RANBP17: variants seen among roughly 807,000 people sequenced by gnomAD.
RANBP17 encodes the protein ran-binding protein 17.
RANBP17 carries 158 observed loss-of-function variants against 141.2 expected under a neutral mutation model. The observed-to-expected ratio is 1.12, with a 90% CI of 0.98 to 1.28. The LOEUF is 1.28. RANBP17 is among the 50% of genes most tolerant of loss of function. RANBP17 has a pLI of 0.00. For missense variants in RANBP17, 1,438 were observed against 1,290.7 expected (o/e 1.11, Z -1.75); for synonymous variants, 430 against 450.0 (o/e 0.96, Z 0.56).
chr5:170,954,490 C>CTGGCAATT (rs1775443374), intron 13 of RANBP17, among the ~76,000 whole-genome samples: 1 of 150,224 alleles, frequency 6.7e-6, no homozygotes, highest in Non-Finnish European at 1.5e-5. Flanking sequence ...AGAACAGTGC[C>CTGGCAATT]TGGCAATTAG....
intron 13 of RANBP17, among the ~76,000 whole-genome samples, chr5:170,956,796 G>T (rs1336346256): frequency 6.6e-6 from 1 of 151,160 alleles, no homozygotes; most frequent in Non-Finnish European, 1.5e-5. Flanking sequence ...AAACGACTGG[G>T]CGCAGTGGCT....
At chr5:170,894,203 G>A (rs1769904325) in intron 4 of RANBP17, among the ~76,000 whole-genome samples, 1 of 152,162 alleles carries the variant, frequency 6.6e-6, no homozygotes. Context: ...GGCAAGCACA[G>A]TAGCATCCCC....
At chr5:171,207,784 A>G (rs1425397190) in intron 20 of RANBP17, 1 of 152,218 alleles carries the variant, frequency 6.6e-6, no homozygotes, top group Non-Finnish European at 1.5e-5. Flanking sequence ...GACAAGATTT[A>G]TAGTTTTCCT....
intron 14 of RANBP17, among the ~76,000 whole-genome samples, chr5:171,010,910 G>A (rs914475126): frequency 1.2e-4 from 18 of 152,176 alleles, no homozygotes; most frequent in Non-Finnish European, 2.5e-4. Context: ...ATTGTAATAC[G>A]TAATTTAAAA....
intron 22 of RANBP17, among the ~76,000 whole-genome samples, chr5:171,230,382 T>C (rs918229870): frequency 6.6e-6 from 1 of 152,212 alleles, no homozygotes; most frequent in African/African-American, 2.4e-5. Flanking sequence ...TCAAAATTGC[T>C]GAAGACTAAA....
In RANBP17 at chr5:171,060,424, G is replaced by C. The variant is rs568529888; in HGVS notation, c.1710+92047G>C. ...TTTTTGCATCTATTGAGATAATCAT[G>C]TGGTTTTTGTCTTTGGTTCTGTTTA... On this transcript the variant is annotated intron_variant, in intron 14 of 27. Coordinates refer to ENST00000523189, the MANE Select transcript of RANBP17 (RefSeq NM_022897.5). Among the ~76,000 whole-genome samples the C allele has an allele frequency of 4.0e-4, 61 of 152,170 alleles. 1 individual carries two copies. In the South Asian group the frequency reaches 0.012, roughly 31 times the overall value.
intron 14 of RANBP17, among the ~76,000 whole-genome samples, chr5:171,062,087 C>T (rs1783914956): frequency 6.6e-6 from 1 of 151,536 alleles, no homozygotes; most frequent in Admixed American, 6.6e-5. Flanking sequence ...GAATACAGCA[C>T]ACTGATGGGT....
chr5:171,068,569 TTTGTTG>T (rs35125398), intron 14 of RANBP17, among the ~76,000 whole-genome samples: 242 of 149,042 alleles, frequency 1.6e-3, no homozygotes, highest in Middle Eastern at 6.9e-3. Context: ...TTACTTTCCT[TTTGTTG>T]TTGTTGTTGT....
intron 25 of RANBP17, among the ~76,000 whole-genome samples, chr5:171,269,378 G>A (rs953569095): frequency 3.3e-5 from 5 of 152,192 alleles, no homozygotes; most frequent in East Asian, 1.9e-4. Context: ...TCTCTGCTGC[G>A]TATAAAATTA....
chr5:171,061,078 G>A lies in RANBP17; in HGVS notation c.1710+92701G>A, dbSNP rs530999557. Among the ~76,000 whole-genome samples, 197 of 152,066 alleles carry A rather than the reference G, an allele frequency of 1.3e-3. 1 individual carries two copies. The highest frequency in any genetic ancestry group is 4.6e-3 in the African/African-American group (192 of 41,434). On this transcript the variant is annotated intron_variant, in intron 14 of 27. Coordinates refer to ENST00000523189, the MANE Select transcript of RANBP17 (RefSeq NM_022897.5). ...TTTTTCTTCATTAGTCTTGCTAGCG[G>A]TCTATCAATTTTGTTGATCCTTTCA...
At chr5:170,922,368 G>A (rs1772536792) in intron 11 of RANBP17, among the ~76,000 whole-genome samples, 1 of 152,218 alleles carries the variant, frequency 6.6e-6, no homozygotes, top group South Asian at 2.1e-4. Context: ...CTTCAGAGCT[G>A]TCAGACAGGG....
intron 20 of RANBP17, among the ~76,000 whole-genome samples, chr5:171,209,963 CGGAT>C (rs903702566): frequency 6.6e-6 from 1 of 151,676 alleles, no homozygotes; most frequent in African/African-American, 2.4e-5. Flanking sequence ...GACAGACGGA[CGGAT>C]GGATGGATGG....
chr5:170,949,067 G>T (rs1432120500), intron 12 of RANBP17, among the ~76,000 whole-genome samples: 1 of 152,094 alleles, frequency 6.6e-6, no homozygotes, highest in Admixed American at 6.5e-5. Context: ...ACTTTTGCCT[G>T]GGATTTAGAG....
rs970000225 is a variant in RANBP17, at chr5:170,991,338, A to G, written c.1710+22961A>G. On this transcript the variant is annotated intron_variant, in intron 14 of 27. Transcript: ENST00000523189. ...AAGAAAACATCATAATGAGAACTGC[A>G]TATAGTCTCTGTTATTTGTTATAAT... 5.3e-5 allele frequency among the ~76,000 whole-genome samples: 8 copies of G among 152,016 alleles called. 1 individual carries two copies. Among genetic ancestry groups the G allele is most frequent in the Non-Finnish European group, 1.2e-4 (8 of 67,904 alleles).
intron 14 of RANBP17, among the ~76,000 whole-genome samples, chr5:171,103,420 C>T (rs1159890373): frequency 6.6e-6 from 1 of 152,190 alleles, no homozygotes; most frequent in Non-Finnish European, 1.5e-5. Context: ...ACTGCCTACT[C>T]AAGCCTTGGT....
intron 14 of RANBP17, among the ~76,000 whole-genome samples, chr5:171,055,832 G>C (rs569478629): frequency 7.8e-6 from 1 of 127,708 alleles, no homozygotes; most frequent in African/African-American, 3.1e-5. Context: ...TGCTATTCGA[G>C]TCAAAGCCTT....
chr5:171,249,874 A>G (rs886406931), intron 24 of RANBP17, among the ~76,000 whole-genome samples: 27 of 152,234 alleles, frequency 1.8e-4, no homozygotes, highest in African/African-American at 6.3e-4. Flanking sequence ...CCCATTTATT[A>G]CAAGAAATGT....
chr5:171,112,591 CTGAT>C (rs1299132421), intron 14 of RANBP17, among the ~76,000 whole-genome samples: 2 of 152,010 alleles, frequency 1.3e-5, no homozygotes, highest in Non-Finnish European at 1.5e-5. Flanking sequence ...AAAGGAAACA[CTGAT>C]TGACGGATCT....
chr5:171,277,179 G>A (rs1767540570), intron 25 of RANBP17, among the ~76,000 whole-genome samples: 1 of 151,408 alleles, frequency 6.6e-6, no homozygotes, highest in Admixed American at 6.6e-5. Flanking sequence ...TTCACACATA[G>A]AAGTTATTTA....
Sources: allele counts gnomAD v4.1 joint callset (sites outside exome capture counted in the v4.1 genomes callset), GRCh38; gene constraint gnomAD v4.1.1; transcripts MANE v1.5; gene names NCBI Gene and HGNC (gene_info 2026-07-23, HGNC 2026-07-21).